The following CHIC1 variants were observed in gnomAD, a reference collection of about 807,000 sequenced individuals.
CHIC1 encodes cysteine-rich hydrophobic domain-containing protein 1.
In CHIC1, 7 loss-of-function variants were observed where a neutral mutation model predicts 18.5. The ratio of observed to expected loss-of-function variants is 0.38; its 90% CI spans 0.22 to 0.71. The LOEUF (loss-of-function observed/expected upper bound fraction) is 0.71, where lower values mean the gene tolerates loss of function less well. CHIC1 is among the 30% of genes least tolerant of loss of function. The pLI, the probability that CHIC1 is intolerant of heterozygous loss-of-function variation, is 0.49. For synonymous variants in CHIC1, 77 were observed against 73.5 expected (o/e 1.05, Z -0.25); for missense variants, 159 against 176.9 (o/e 0.90, Z 0.57).
At chrX:73,592,324 T>C (rs2057585954) in intron 3 of CHIC1, among the ~76,000 whole-genome samples, 1 of 111,640 alleles carries the variant, frequency 9.0e-6, no homozygotes, top group South Asian at 3.7e-4. Context: ...GCCTGTTCTA[T>C]ATGATGTTAG....
intron 3 of CHIC1, among the ~76,000 whole-genome samples, chrX:73,623,167 G>A (rs1481327096): frequency 9.0e-6 from 1 of 111,269 alleles, no homozygotes; most frequent in Non-Finnish European, 1.9e-5. Flanking sequence ...CTCTTGATTT[G>A]GGGTGGAGAG....
chrX:73,619,751 A>G (rs1321546622), intron 3 of CHIC1, among the ~76,000 whole-genome samples: 2 of 111,605 alleles, frequency 1.8e-5, no homozygotes, highest in African/African-American at 6.5e-5. Flanking sequence ...ATATATGTGC[A>G]GATCGTGCAG....
chrX:73,602,757 T>A (rs1181372784), intron 3 of CHIC1, among the ~76,000 whole-genome samples: 2 of 108,970 alleles, frequency 1.8e-5, no homozygotes, highest in Non-Finnish European at 3.8e-5. Flanking sequence ...CCCAACACCA[T>A]TTATTAAATA....
At chrX:73,596,539 T>C (rs1388415200) in intron 3 of CHIC1, among the ~76,000 whole-genome samples, 1 of 111,735 alleles carries the variant, frequency 8.9e-6, no homozygotes, top group Admixed American at 9.6e-5. Context: ...TTAAATTTCA[T>C]ATAGAACTCA....
At chrX:73,644,297 G>C (rs368895571) in intron 3 of CHIC1, among the ~76,000 whole-genome samples, 8 of 112,170 alleles carry the variant, frequency 7.1e-5, no homozygotes, top group African/African-American at 2.3e-4. Context: ...TGCCCCTACT[G>C]GGGGGTGCCT....
chrX:73,596,674 A>G (rs748331946), intron 3 of CHIC1, among the ~76,000 whole-genome samples: 1 of 111,333 alleles, frequency 9.0e-6, no homozygotes, highest in African/African-American at 3.3e-5. Flanking sequence ...TGGTACCAAA[A>G]CAGATATATA....
At chrX:73,617,617 C>T (rs1270917115) in intron 3 of CHIC1, among the ~76,000 whole-genome samples, 1 of 111,736 alleles carries the variant, frequency 8.9e-6, no homozygotes, top group Non-Finnish European at 1.9e-5. Context: ...GCAAAAGGCA[C>T]TTACATGGTG....
At chrX:73,599,160 C>A (rs1227658870) in intron 3 of CHIC1, among the ~76,000 whole-genome samples, 1 of 110,684 alleles carries the variant, frequency 9.0e-6, no homozygotes, top group East Asian at 2.9e-4. Context: ...ATGTCCTTCG[C>A]CCACCTTTTG....
At chrX:73,679,522 C>G in intron 4 of CHIC1, 132 bp from the exon 5 acceptor site, 1 of 560,893 alleles carries the variant, frequency 1.8e-6, no homozygotes, top group Non-Finnish European at 2.8e-6. Flanking sequence ...ATATTCTTTA[C>G]AAGGTATTTT....
At chrX:73,642,492 T>G (rs2057862431) in intron 3 of CHIC1, among the ~76,000 whole-genome samples, 1 of 107,448 alleles carries the variant, frequency 9.3e-6, no homozygotes, top group Admixed American at 1.0e-4. Flanking sequence ...TGATGGTAGT[T>G]TCTTTTGCTG....
intron 1 of CHIC1, among the ~76,000 whole-genome samples, chrX:73,568,981 T>C (rs761981223): frequency 9.0e-6 from 1 of 111,640 alleles, no homozygotes; most frequent in Non-Finnish European, 1.9e-5. Flanking sequence ...TTTTAGGCTT[T>C]GAGAATATTG....
chrX:73,619,831 A>G (rs1218686678), intron 3 of CHIC1, among the ~76,000 whole-genome samples: 1 of 110,819 alleles, frequency 9.0e-6, no homozygotes, highest in Non-Finnish European at 1.9e-5. Context: ...TACATTAGAT[A>G]TTTCTCCTAA....
intron 2 of CHIC1, among the ~76,000 whole-genome samples, chrX:73,583,518 A>C (rs1027924370): frequency 1.8e-5 from 2 of 111,490 alleles, no homozygotes; most frequent in African/African-American, 6.5e-5. Context: ...CAGATGCTAA[A>C]TGTTCTTTCA....
intron 3 of CHIC1, among the ~76,000 whole-genome samples, chrX:73,663,151 G>T (rs1184938997): frequency 9.0e-6 from 1 of 111,714 alleles, no homozygotes; most frequent in Non-Finnish European, 1.9e-5. Context: ...GGTCCCATAG[G>T]TTGCAAATTA....
chrX:73,643,138 G>A (rs2147601960), intron 3 of CHIC1, among the ~76,000 whole-genome samples: 1 of 111,543 alleles, frequency 9.0e-6, no homozygotes, highest in East Asian at 2.8e-4. Flanking sequence ...GCTTAGTTTG[G>A]CTGGATATGA....
intron 3 of CHIC1, among the ~76,000 whole-genome samples, chrX:73,642,541 A>G (rs764431713): frequency 2.2e-4 from 23 of 103,345 alleles, no homozygotes; most frequent in Non-Finnish European, 3.8e-4. Context: ...CCATTTGTCA[A>G]TTTTGTCTTT....
At chrX:73,650,766 A>T (rs1404754630) in intron 3 of CHIC1, among the ~76,000 whole-genome samples, 9 of 110,092 alleles carry the variant, frequency 8.2e-5, no homozygotes, top group Admixed American at 6.8e-4. Context: ...AGAAGTACAA[A>T]GAGGAGTTGG....
At position 73,679,660 on chromosome X, in the gene CHIC1, T is replaced by G; in HGVS notation, c.571T>G (p.Leu191Val). The G allele has an allele frequency of 8.9e-7, 1 of 1,123,370 alleles. No homozygotes were observed. The highest frequency in any genetic ancestry group is 1.2e-6 in the Non-Finnish European group (1 of 844,077). The allele number at this position is 1,123,370 out of a possible 1,213,427, so 92.6% of individuals were successfully genotyped here. The change falls in exon 5 of 6, where the codon TTG (leucine) becomes GTG (valine). Residue 191 changes from leucine to valine, a missense_variant. Physicochemically the swap from Leu to Val is conservative, Grantham distance 32. Coordinates refer to ENST00000373502, the MANE Select transcript of CHIC1 (RefSeq NM_001039840.4). Reference sequence around the variant, plus strand: ...CAAGACTATACTTTCTTAGCTTGCTTTGCACTGGAAGTTGACTAAGAGGAA... The same window carrying G: ...CAAGACTATACTTTCTTAGCTTGCTGTGCACTGGAAGTTGACTAAGAGGAA... ...ENNRLYHKLA[L>V]HWKLTKRKCE...
intron 3 of CHIC1, among the ~76,000 whole-genome samples, chrX:73,607,758 T>C (rs1365473257): frequency 9.3e-6 from 1 of 107,970 alleles, no homozygotes; most frequent in Non-Finnish European, 1.9e-5. Flanking sequence ...CCCTGACCCC[T>C]TGTGCTTCCC....
Sources: allele counts gnomAD v4.1 joint callset (sites outside exome capture counted in the v4.1 genomes callset), GRCh38; gene constraint gnomAD v4.1.1; transcripts MANE v1.5; gene names NCBI Gene and HGNC (gene_info 2026-07-23, HGNC 2026-07-21).